TAOK3: variants seen among roughly 807,000 people sequenced by gnomAD.
TAOK3 encodes the protein serine/threonine-protein kinase TAO3.
A neutral mutation model predicts 120.4 loss-of-function variants in TAOK3; 40 were observed. The observed-to-expected ratio is 0.33, with a 90% confidence interval of 0.26 to 0.43. The LOEUF (loss-of-function observed/expected upper bound fraction) is 0.43, where lower values mean the gene tolerates loss of function less well. TAOK3 is among the 20% of genes least tolerant of loss of function. The probability of loss-of-function intolerance (pLI) is 1.00; values close to 1 mark genes in which losing one functional copy is unlikely to be tolerated. For missense variants in TAOK3, 821 were observed against 1,112.1 expected (o/e 0.74, Z 3.72); for synonymous variants, 355 against 387.5 (o/e 0.92, Z 0.99).
intron 11 of TAOK3, 62 bp from the exon 12 acceptor site, chr12:118,201,525 C>T: frequency 1.4e-6 from 2 of 1,422,942 alleles, no homozygotes; most frequent in Non-Finnish European, 1.9e-6. Context: ...GTGCAAGGTA[C>T]AGATATAAAA....
At chr12:118,246,614 C>T in intron 3 of TAOK3, 2 of 1,575,086 alleles carry the variant, frequency 1.3e-6, no homozygotes, top group Non-Finnish European at 1.7e-6. Context: ...TCGGCAAGCC[C>T]CACACTGTCC....
intron 9 of TAOK3, among the ~76,000 whole-genome samples, chr12:118,230,315 C>G (rs1278538048): frequency 1.3e-5 from 2 of 152,028 alleles, no homozygotes; most frequent in African/African-American, 4.8e-5. Context: ...CTACTGGATA[C>G]TAGTCTTTCC....
At chr12:118,296,063 C>CT (rs1356066795) in intron 1 of TAOK3, among the ~76,000 whole-genome samples, 1 of 152,162 alleles carries the variant, frequency 6.6e-6, no homozygotes, top group African/African-American at 2.4e-5. Context: ...ATGTGTGTAT[C>CT]TGAGTGAGTT....
At chr12:118,358,337 T>C (rs1223655826) in intron 1 of TAOK3, among the ~76,000 whole-genome samples, 1 of 152,234 alleles carries the variant, frequency 6.6e-6, no homozygotes, top group Admixed American at 6.5e-5. Context: ...ACAAAATAAA[T>C]GTGACCAAAC....
chr12:118,231,128 C>T (rs917380373), intron 9 of TAOK3, among the ~76,000 whole-genome samples: 1 of 151,896 alleles, frequency 6.6e-6, no homozygotes. Flanking sequence ...GGTGTGAAAA[C>T]GAATATAGGA....
intron 9 of TAOK3, among the ~76,000 whole-genome samples, chr12:118,220,096 T>C (rs886454300): frequency 4.0e-5 from 6 of 151,374 alleles, no homozygotes; most frequent in African/African-American, 1.5e-4. Context: ...TTCGTAGACA[T>C]AAAGTCTCAT....
At chr12:118,231,176 G>C (rs910118733) in intron 9 of TAOK3, among the ~76,000 whole-genome samples, 1 of 152,130 alleles carries the variant, frequency 6.6e-6, no homozygotes, top group Non-Finnish European at 1.5e-5. Flanking sequence ...TTACCAAGAA[G>C]ATCTGGAAGG....
intron 17 of TAOK3, among the ~76,000 whole-genome samples, chr12:118,165,844 A>G (rs1254570817): frequency 6.6e-6 from 1 of 152,254 alleles, no homozygotes; most frequent in Non-Finnish European, 1.5e-5. Context: ...TTTATAAACT[A>G]TTAGAAGAGT....
intron 13 of TAOK3, among the ~76,000 whole-genome samples, chr12:118,196,432 T>C (rs2037733420): frequency 6.6e-6 from 1 of 151,964 alleles, no homozygotes; most frequent in Non-Finnish European, 1.5e-5. Flanking sequence ...GTCAAATTAA[T>C]TTGACTAATT....
chr12:118,295,618 T>C (rs964989219), intron 1 of TAOK3, among the ~76,000 whole-genome samples: 1 of 152,204 alleles, frequency 6.6e-6, no homozygotes, highest in Non-Finnish European at 1.5e-5. Flanking sequence ...GGCCTTATGC[T>C]CCTTAGCACA....
At chr12:118,197,605 G>A (rs975337631) in intron 13 of TAOK3, among the ~76,000 whole-genome samples, 2 of 151,904 alleles carry the variant, frequency 1.3e-5, no homozygotes, top group African/African-American at 4.8e-5. Flanking sequence ...AGAGCCCCAG[G>A]GGTAATAGAA....
intron 17 of TAOK3, among the ~76,000 whole-genome samples, chr12:118,164,457 GC>G (rs2035448516): frequency 6.6e-6 from 1 of 151,838 alleles, no homozygotes; most frequent in East Asian, 2.0e-4. Flanking sequence ...CTACTTTGTT[GC>G]CCAGGCTGGA....
intron 1 of TAOK3, among the ~76,000 whole-genome samples, chr12:118,368,544 G>C (rs759498693): frequency 5.5e-5 from 8 of 146,536 alleles, no homozygotes; most frequent in Non-Finnish European, 7.5e-5. Flanking sequence ...GGTGGCTCAC[G>C]CCTGTAATCC....
At chr12:118,158,080 A>G (rs771919856) in intron 19 of TAOK3, among the ~76,000 whole-genome samples, 19 of 152,166 alleles carry the variant, frequency 1.2e-4, no homozygotes, top group Non-Finnish European at 2.1e-4. Flanking sequence ...TGAACACCTC[A>G]AAGTTTATTC....
intron 20 of TAOK3, 106 bp from the exon 21 acceptor site, chr12:118,151,264 G>T (rs2249624): frequency 9.2e-6 from 10 of 1,092,668 alleles, no homozygotes; most frequent in East Asian, 7.8e-5. Context: ...ACACACATAG[G>T]CACACACATG....
At chr12:118,298,581 T>C (rs182205164) in intron 1 of TAOK3, among the ~76,000 whole-genome samples, 1 of 152,286 alleles carries the variant, frequency 6.6e-6, no homozygotes, top group Admixed American at 6.5e-5. Flanking sequence ...GTGACAGCAT[T>C]ATATATAGGT....
At chr12:118,254,452 A>ACTTTTTCCCTTTTGCTTT (rs754582162) in intron 3 of TAOK3, among the ~76,000 whole-genome samples, 1 of 152,222 alleles carries the variant, frequency 6.6e-6, no homozygotes, top group Non-Finnish European at 1.5e-5. Flanking sequence ...TATTTAGGGA[A>ACTTTTTCCCTTTTGCTTT]AAAGACATAT....
chr12:118,241,309 T>G (rs944077239), intron 5 of TAOK3, among the ~76,000 whole-genome samples: 1 of 152,070 alleles, frequency 6.6e-6, no homozygotes, highest in East Asian at 1.9e-4. Flanking sequence ...AATGTTATAA[T>G]GAACACTAGC....
At position 118,201,060 on chromosome 12, in the gene TAOK3, A is replaced by G. The variant is rs1439423807; in HGVS notation, c.987+236T>C. Reference sequence around the variant, plus strand: ...AAACCTTCACTAATCCCACCAGCAGACTTATTTTCTCCCCATGATGGACCC... The same window carrying G: ...AAACCTTCACTAATCCCACCAGCAGGCTTATTTTCTCCCCATGATGGACCC... On this transcript the variant is annotated intron_variant, in intron 12 of 20. Transcript: ENST00000392533. The G allele has an allele frequency of 8.4e-6, 3 of 355,722 alleles. No homozygotes were observed. The East Asian group carries it at 1.4e-4, about 17-fold the overall frequency. 22.0% of individuals were successfully genotyped at this position (355,722 alleles called of 1,614,324 possible). A position where few individuals can be genotyped will look rare whatever the true frequency, so the allele number is the denominator to read the frequency against.
Sources: gnomAD v4.1 joint callset for allele counts (sites outside exome capture counted in the v4.1 genomes callset) on GRCh38, gnomAD v4.1.1 for gene constraint, MANE v1.5 for transcripts, NCBI Gene and HGNC (gene_info 2026-07-23, HGNC 2026-07-21) for gene names.